FRAS1: variants seen among roughly 807,000 people sequenced by gnomAD.
FRAS1 encodes extracellular matrix organizing protein FRAS1.
A neutral mutation model predicts 435.2 loss-of-function variants in FRAS1; 290 were observed. The observed-to-expected ratio is 0.67, with a 90% confidence interval of 0.61 to 0.73. The LOEUF is 0.73. FRAS1 is among the 30% of genes least tolerant of loss of function. The pLI is 0.00. For synonymous variants in FRAS1, 1,800 were observed against 1,851.0 expected, an observed-to-expected ratio of 0.97 and a Z score of 0.71; for missense variants, 4,860 against 5,001.5, an observed-to-expected ratio of 0.97 and a Z score of 0.85.
chr4:78,235,805 T>C (rs1201730726), intron 2 of FRAS1, among the ~76,000 whole-genome samples: 1 of 152,118 alleles, frequency 6.6e-6, no homozygotes, highest in Non-Finnish European at 1.5e-5. Flanking sequence ...AGAAATTATC[T>C]GAGTGTGGTG....
At chr4:78,355,785 G>T (rs755044309) in intron 20 of FRAS1, among the ~76,000 whole-genome samples, 1 of 152,186 alleles carries the variant, frequency 6.6e-6, no homozygotes, top group Non-Finnish European at 1.5e-5. Context: ...GCAGGAACAG[G>T]CATGGAAGGC....
At chr4:78,445,499 A>C (rs751271046) in intron 41 of FRAS1, 23 bp from the exon 42 acceptor site, 52 of 1,511,656 alleles carry the variant, frequency 3.4e-5, no homozygotes, top group Admixed American at 1.2e-4. Context: ...CAAGGTAAAA[A>C]TGCTCTCTTG....
chr4:78,258,478 C>T (rs778379192), intron 6 of FRAS1, among the ~76,000 whole-genome samples: 21 of 151,614 alleles, frequency 1.4e-4, no homozygotes, highest in Non-Finnish European at 2.5e-4. Flanking sequence ...GGACTATAAT[C>T]TCTTCCCATC....
At chr4:78,317,295 G>GA in intron 16 of FRAS1, 73 bp from the exon 17 acceptor site, 1 of 1,568,270 alleles carries the variant, frequency 6.4e-7, no homozygotes, top group African/African-American at 1.3e-5. Context: ...CCAGGCCCGT[G>GA]AAGCCCAGCC....
In FRAS1 at chr4:78,441,207, G is replaced by A; in HGVS notation, c.5575G>A (p.Ala1859Thr). 6.2e-7 allele frequency: 1 copy of A among 1,613,346 alleles called. No homozygotes were observed. Among genetic ancestry groups the A allele is most frequent in the Non-Finnish European group, 8.5e-7 (1 of 1,179,586 alleles). ...RAPLSFHHFF[A>T]TDDDDNLQRD... The stretch of plus-strand genomic sequence containing the variant: ...ACCACTCTCATTTCACCATTTTTTT[G>A]CTACTGATGATGATGACAACCTCCA... Residue 1859 changes from alanine to threonine, a missense_variant, in exon 41 of 74, where the codon GCT becomes ACT. Coordinates refer to ENST00000512123, the MANE Select transcript of FRAS1 (RefSeq NM_025074.7).
intron 14 of FRAS1, among the ~76,000 whole-genome samples, chr4:78,296,378 C>A (rs1728146577): frequency 6.6e-6 from 1 of 151,902 alleles, no homozygotes; most frequent in Non-Finnish European, 1.5e-5. Flanking sequence ...CAGGCAGAGG[C>A]CCAGTCTGGG....
At chr4:78,423,291 C>T (rs181247021) in intron 34 of FRAS1, among the ~76,000 whole-genome samples, 4 of 152,066 alleles carry the variant, frequency 2.6e-5, no homozygotes, top group East Asian at 3.9e-4. Context: ...CCCAGCCTCC[C>T]GAGTAGCTGG....
At chr4:78,468,741 T>C (rs765594053) in intron 50 of FRAS1, among the ~76,000 whole-genome samples, 1 of 152,200 alleles carries the variant, frequency 6.6e-6, no homozygotes, top group Non-Finnish European at 1.5e-5. Context: ...ACTTCAATTC[T>C]GGTGAAAGGT....
chr4:78,368,037 C>T (rs1375259264), intron 22 of FRAS1, among the ~76,000 whole-genome samples: 6 of 152,012 alleles, frequency 3.9e-5, no homozygotes, highest in Non-Finnish European at 8.8e-5. Context: ...TTCAAATCCA[C>T]TTACAACTAG....
intron 2 of FRAS1, among the ~76,000 whole-genome samples, chr4:78,228,839 C>T (rs1724387301): frequency 6.6e-6 from 1 of 152,192 alleles, no homozygotes; most frequent in South Asian, 2.1e-4. Context: ...TGTGGTAATA[C>T]AAGTACATTA....
chr4:78,534,374 A>G, intron 70 of FRAS1, 75 bp from the exon 71 acceptor site: 1 of 1,225,588 alleles, frequency 8.2e-7, no homozygotes, highest in South Asian at 1.4e-5. Context: ...AGGGTGGGGA[A>G]GGGAGGGTGA....
rs1204551616 is a variant in FRAS1 at position 78,441,373 on chromosome 4, A to T, written c.5665+76A>T. The T allele has an allele frequency of 1.2e-5, 17 of 1,366,950 alleles. 1 individual carries two copies. Among genetic ancestry groups the T allele is most frequent in the Non-Finnish European group, 1.7e-5 (17 of 983,178 alleles). The allele number at this position is 1,366,950 out of a possible 1,614,324, so 84.7% of individuals were successfully genotyped here. A position where few individuals can be genotyped will look rare whatever the true frequency, so the allele number is the denominator to read the frequency against. ...GGGAGGAGGACCTTGCTTCCAGCTA[A>T]AGATGGAGATGGAGAACTACAGAGG... On this transcript the variant is annotated intron_variant, in intron 41 of 73. Transcript: ENST00000512123.
chr4:78,533,900 G>A (rs1028229032), intron 70 of FRAS1, among the ~76,000 whole-genome samples: 3 of 152,190 alleles, frequency 2.0e-5, no homozygotes, highest in African/African-American at 7.2e-5. Context: ...AAGTTATTGA[G>A]GGAGAACAAT....
chr4:78,181,756 C>A, intron 2 of FRAS1: 1 of 1,610,306 alleles, frequency 6.2e-7, no homozygotes, highest in Non-Finnish European at 8.5e-7. Context: ...GCGCCACGGG[C>A]GGCTGCGTCT....
At chr4:78,148,733 C>T (rs542588305) in intron 2 of FRAS1, among the ~76,000 whole-genome samples, 2 of 152,298 alleles carry the variant, frequency 1.3e-5, no homozygotes, top group African/African-American at 4.8e-5. Flanking sequence ...ATAACCTGAT[C>T]AACTTCTCAA....
At chr4:78,385,900 A>AT (rs397957872) in intron 28 of FRAS1, among the ~76,000 whole-genome samples, 1 of 151,526 alleles carries the variant, frequency 6.6e-6, no homozygotes, top group Non-Finnish European at 1.5e-5. Context: ...AAAAAAAAAA[A>AT]GCTGAAACAG....
intron 2 of FRAS1, among the ~76,000 whole-genome samples, chr4:78,222,800 C>G (rs951526862): frequency 6.6e-6 from 1 of 152,192 alleles, no homozygotes; most frequent in Non-Finnish European, 1.5e-5. Flanking sequence ...CTTTCAACTT[C>G]CGCTGCATTT....
At position 78,252,381 on chromosome 4, in the gene FRAS1, C is replaced by T. The variant is rs763694939; in HGVS notation, c.310-11C>T. On this transcript the variant is annotated splice_polypyrimidine_tract_variant and intron_variant, in intron 4 of 73. Transcript: ENST00000512123. ...CTAACCTTTTTTTTTTTCTGTCTCCCTAACACACAGCATGGGACAGAATGG... is the reference window on the plus strand; with the variant it reads ...CTAACCTTTTTTTTTTTCTGTCTCCTTAACACACAGCATGGGACAGAATGG... 2.5e-6 allele frequency: 4 copies of T among 1,609,888 alleles called. No homozygotes were observed. Among genetic ancestry groups the T allele is most frequent in the Admixed American group, 3.4e-5 (2 of 59,290 alleles).
intron 3 of FRAS1, among the ~76,000 whole-genome samples, chr4:78,239,027 C>T (rs1040681412): frequency 1.3e-5 from 2 of 152,082 alleles, no homozygotes; most frequent in South Asian, 2.1e-4. Context: ...TATGGAAACA[C>T]GGGCTCACTT....
Sources: gnomAD v4.1 joint callset for allele counts (sites outside exome capture counted in the v4.1 genomes callset) on GRCh38, gnomAD v4.1.1 for gene constraint, MANE v1.5 for transcripts, NCBI Gene and HGNC (gene_info 2026-07-23, HGNC 2026-07-21) for gene names.